Variants in LONRF1 observed in about 807,000 individuals in gnomAD.
LONRF1 encodes the protein LON peptidase N-terminal domain and ring finger 1.
LONRF1 carries 37 observed loss-of-function variants against 85.8 expected under a neutral mutation model. That is an observed-to-expected ratio of 0.43 (90% CI 0.33 to 0.57). The LOEUF (loss-of-function observed/expected upper bound fraction) is 0.57. Ranked by LOEUF, LONRF1 falls within the 20% of genes least tolerant of loss-of-function variation. The pLI, the probability that LONRF1 is intolerant of heterozygous loss-of-function variation, is 0.04. For synonymous variants in LONRF1, 517 were observed against 390.1 expected (o/e 1.33, Z -3.83); for missense variants, 1,036 against 978.0 (o/e 1.06, Z -0.79).
intron 1 of LONRF1, among the ~76,000 whole-genome samples, chr8:12,749,342 C>T (rs771653093): frequency 1.3e-5 from 2 of 152,086 alleles, no homozygotes; most frequent in East Asian, 1.9e-4. Context: ...AAGCAAAAGA[C>T]CTTACCAAAG....
chr8:12,730,222 G>C (rs763195144), intron 8 of LONRF1, among the ~76,000 whole-genome samples: 2 of 152,194 alleles, frequency 1.3e-5, no homozygotes, highest in Admixed American at 6.5e-5. Flanking sequence ...AACTGAATTA[G>C]AAGAAATGCT....
At chr8:12,751,296 G>GTTTTTTTTTTTTTTGTTT (rs1563160508) in intron 1 of LONRF1, among the ~76,000 whole-genome samples, 118 of 69,476 alleles carry the variant, frequency 1.7e-3, no homozygotes, top group Non-Finnish European at 2.6e-3. Context: ...TTATTTTTAT[G>GTTTTTTTTTTTTTTGTTT]TTTTTTTTTT....
intron 7 of LONRF1, among the ~76,000 whole-genome samples, chr8:12,734,767 T>C (rs1798656165): frequency 6.6e-6 from 1 of 152,218 alleles, no homozygotes; most frequent in African/African-American, 2.4e-5. Context: ...TAATAAAATG[T>C]AAATATAGTT....
intron 3 of LONRF1, among the ~76,000 whole-genome samples, chr8:12,739,067 C>T (rs1476538185): frequency 2.0e-5 from 3 of 151,958 alleles, no homozygotes; most frequent in African/African-American, 2.4e-5. Flanking sequence ...TTTACATTTC[C>T]TCTGTTTTAA....
intron 6 of LONRF1, among the ~76,000 whole-genome samples, chr8:12,736,467 G>C (rs1798719091): frequency 6.6e-6 from 1 of 152,104 alleles, no homozygotes; most frequent in Non-Finnish European, 1.5e-5. Context: ...TCACAACAAT[G>C]AGATGTAGGC....
chr8:12,752,540 T>C (rs1554469783), intron 1 of LONRF1, among the ~76,000 whole-genome samples: 1 of 152,178 alleles, frequency 6.6e-6, no homozygotes, highest in Non-Finnish European at 1.5e-5. Context: ...TCAGAAGACT[T>C]GGGTTCTATT....
intron 8 of LONRF1, among the ~76,000 whole-genome samples, chr8:12,731,207 T>C (rs1462118421): frequency 6.6e-6 from 1 of 152,010 alleles, no homozygotes; most frequent in Non-Finnish European, 1.5e-5. Context: ...GCCTCCGAGA[T>C]TTTCACCCTC....
intron 1 of LONRF1, among the ~76,000 whole-genome samples, chr8:12,750,551 T>C (rs776077845): frequency 3.3e-5 from 5 of 152,238 alleles, no homozygotes; most frequent in African/African-American, 9.6e-5. Flanking sequence ...TACTGTACCA[T>C]GTGGGTAACT....
intron 1 of LONRF1, among the ~76,000 whole-genome samples, chr8:12,745,295 G>C (rs1432265027): frequency 1.5e-5 from 2 of 132,854 alleles, no homozygotes; most frequent in African/African-American, 2.9e-5. Flanking sequence ...AATGTTAACC[G>C]ATTATTTTGA....
intron 1 of LONRF1, among the ~76,000 whole-genome samples, chr8:12,743,702 G>A (rs1229484109): frequency 1.3e-5 from 2 of 152,008 alleles, no homozygotes; most frequent in Non-Finnish European, 2.9e-5. Context: ...AGCCATACGT[G>A]TAACTATTAC....
intron 10 of LONRF1, 28 bp from the exon 11 acceptor site, chr8:12,725,907 C>G (rs1306961061): frequency 1.3e-6 from 2 of 1,591,164 alleles, no homozygotes; most frequent in Non-Finnish European, 1.7e-6. Context: ...AGTAAGACTT[C>G]TGTGTCTAAT....
intron 8 of LONRF1, among the ~76,000 whole-genome samples, chr8:12,730,206 T>C (rs1798475290): frequency 6.6e-6 from 1 of 152,208 alleles, no homozygotes; most frequent in African/African-American, 2.4e-5. Context: ...AAAGATGATG[T>C]GTATGAACTG....
intron 6 of LONRF1, among the ~76,000 whole-genome samples, chr8:12,736,180 A>G (rs1419882820): frequency 6.6e-6 from 1 of 152,162 alleles, no homozygotes; most frequent in Non-Finnish European, 1.5e-5. Context: ...TTGATCCTAC[A>G]CAATTCATGT....
Position 12,729,013 on chromosome 8 carries a change from G to A in LONRF1, c.1898C>T (p.Pro633Leu), listed in dbSNP as rs773002986. 8.1e-6 allele frequency: 13 copies of A among 1,613,896 alleles called. No individual in the cohort carries two copies. Among genetic ancestry groups the A allele is most frequent in the South Asian group, 4.4e-5 (4 of 91,074 alleles). Reference protein sequence around the residue: ...MLQIRNVHFLPDGRSVVDTVG... With the variant: ...MLQIRNVHFLLDGRSVVDTVG... ...TGTATCAACCACAGACCTTCCGTCC[G>A]GTAAGAAATGCACGTTTCTAATTTG... The change falls in exon 10 of 12, where the codon CCG becomes CTG. Residue 633 changes from proline to leucine, a missense_variant. Pro to Leu is a moderately conservative substitution (Grantham distance 98). Transcript: ENST00000398246.
chr8:12,723,314 C>G (rs1805996934), intron 11 of LONRF1, 60 bp from the exon 12 acceptor site: 4 of 1,482,756 alleles, frequency 2.7e-6, no homozygotes, highest in Admixed American at 2.2e-5. Flanking sequence ...ACAACAGTAG[C>G]AAACCACCAA....
At chr8:12,748,457 A>G (rs1025640726) in intron 1 of LONRF1, among the ~76,000 whole-genome samples, 1 of 152,192 alleles carries the variant, frequency 6.6e-6, no homozygotes, top group Non-Finnish European at 1.5e-5. Context: ...TTGGCCTCCC[A>G]AAGTTTTGGC....
intron 1 of LONRF1, among the ~76,000 whole-genome samples, chr8:12,747,033 G>A (rs904805223): frequency 1.3e-5 from 2 of 152,056 alleles, no homozygotes; most frequent in South Asian, 4.1e-4. Context: ...AACTCCCTCC[G>A]TTATTTCCTG....
intron 8 of LONRF1, among the ~76,000 whole-genome samples, chr8:12,730,889 T>C (rs747024749): frequency 3.3e-5 from 5 of 152,150 alleles, no homozygotes; most frequent in African/African-American, 4.8e-5. Flanking sequence ...AATGTTCAAT[T>C]TATATTTTGA....
chr8:12,741,356 C>G (rs1798928126), intron 2 of LONRF1, among the ~76,000 whole-genome samples: 1 of 152,094 alleles, frequency 6.6e-6, no homozygotes. Context: ...TGCACTCCAG[C>G]CTGGGTGACG....
Sources: allele counts gnomAD v4.1 joint callset (sites outside exome capture counted in the v4.1 genomes callset), GRCh38; gene constraint gnomAD v4.1.1; transcripts MANE v1.5; gene names NCBI Gene and HGNC (gene_info 2026-07-23, HGNC 2026-07-21).